MOSPD1: variants seen among roughly 807,000 people sequenced by gnomAD.
The protein encoded by MOSPD1 is motile sperm domain containing 1, also known as motile sperm domain-containing protein 1.
Under a neutral mutation model 16.7 loss-of-function variants are expected in MOSPD1, and 5 were observed. The ratio of observed to expected loss-of-function variants is 0.30; its 90% confidence interval spans 0.16 to 0.63. The LOEUF is 0.63. MOSPD1 is among the 30% of genes least tolerant of loss of function. The pLI, the probability that MOSPD1 is intolerant of heterozygous loss-of-function variation, is 0.82. For missense variants in MOSPD1, 104 were observed against 153.6 expected, an observed-to-expected ratio of 0.68 and a Z score of 1.71; for synonymous variants, 67 against 59.2, an observed-to-expected ratio of 1.13 and a Z score of -0.61.
chrX:134,895,004 C>T (rs2082878857), intron 4 of MOSPD1, among the ~76,000 whole-genome samples: 1 of 111,582 alleles, frequency 9.0e-6, no homozygotes, highest in Non-Finnish European at 1.9e-5. Context: ...CATCTGCCTA[C>T]TCCAATTTTA....
At chrX:134,903,272 A>T (rs1477326495) in intron 1 of MOSPD1, among the ~76,000 whole-genome samples, 7 of 112,043 alleles carry the variant, frequency 6.2e-5, no homozygotes, top group African/African-American at 2.3e-4. Context: ...TAAACAGATA[A>T]AAGTTTTTTT....
At chrX:134,905,348 G>A (rs928133101) in intron 1 of MOSPD1, among the ~76,000 whole-genome samples, 17 of 99,883 alleles carry the variant, frequency 1.7e-4, no homozygotes, top group African/African-American at 6.4e-4. Flanking sequence ...CAGCCTGGGC[G>A]AGAGAGACTC....
rs1423680768 is a variant in MOSPD1 at position 134,897,044 on chromosome X, G to A, written c.231-10C>T. 1.7e-6 allele frequency: 2 copies of A among 1,154,860 alleles called. No homozygotes were observed. Among genetic ancestry groups the A allele is most frequent in the South Asian group, 3.7e-5 (2 of 53,445 alleles). On this transcript the variant is annotated splice_polypyrimidine_tract_variant and intron_variant, in intron 3 of 5. Coordinates refer to ENST00000370783, the MANE Select transcript of MOSPD1 (RefSeq NM_019556.3). ...TCGATGACGAATCACACTGAAAACA[G>A]CAAAAATAACAAATGCTGTTTAGAT...
intron 4 of MOSPD1, among the ~76,000 whole-genome samples, chrX:134,894,115 CACA>C (rs2082875225): frequency 8.9e-6 from 1 of 111,903 alleles, no homozygotes; most frequent in Non-Finnish European, 1.9e-5. Flanking sequence ...AAAATATACT[CACA>C]AAATGTACTT....
chrX:134,910,391 C>T (rs994110487), intron 1 of MOSPD1, among the ~76,000 whole-genome samples: 34 of 108,840 alleles, frequency 3.1e-4, no homozygotes, highest in East Asian at 8.6e-4. Flanking sequence ...GGCAACAGAG[C>T]GAGACTCTGT....
chrX:134,890,863 T>C (rs2082859835), intron 5 of MOSPD1, among the ~76,000 whole-genome samples: 1 of 110,354 alleles, frequency 9.1e-6, no homozygotes, highest in South Asian at 3.9e-4. Flanking sequence ...CTGAAAAGAG[T>C]TGGCATCTAA....
At chrX:134,909,907 A>T (rs114526777) in intron 1 of MOSPD1, among the ~76,000 whole-genome samples, 22,176 of 82,242 alleles carry the variant, frequency 0.27, 1,779 homozygotes, top group African/African-American at 0.36. Context: ...AAGATTTTTA[A>T]AAAAAAGAAT....
chrX:134,906,785 G>C (rs183978106), intron 1 of MOSPD1, among the ~76,000 whole-genome samples: 3 of 111,952 alleles, frequency 2.7e-5, no homozygotes, highest in Non-Finnish European at 5.6e-5. Context: ...GTCAGAGTTA[G>C]TTGGTTCCCA....
Position 134,888,311 on chromosome X carries a change from C to T in MOSPD1, c.*850G>A, listed in dbSNP as rs1289595314. ...GTTTAAAGGTGAAAAATCATCTCCA[C>T]ATAAATCACCTGGTATCTGGTAATC... On this transcript the variant is annotated 3_prime_UTR_variant, in exon 6 of 6. Transcript: ENST00000370783. 2.7e-5 allele frequency: 3 copies of T among 112,198 alleles called. No homozygotes were observed. Among genetic ancestry groups the T allele is most frequent in the Non-Finnish European group, 1.9e-5 (1 of 53,161 alleles). The allele number at this position is 112,198 out of a possible 1,213,427, so 9.2% of individuals were successfully genotyped here. A position where few individuals can be genotyped will look rare whatever the true frequency, so the allele number is the denominator to read the frequency against.
At chrX:134,907,718 T>A (rs1394203264) in intron 1 of MOSPD1, among the ~76,000 whole-genome samples, 1 of 112,174 alleles carries the variant, frequency 8.9e-6, no homozygotes, top group Non-Finnish European at 1.9e-5. Context: ...CACAAAAAAA[T>A]TAGCTGGGCG....
intron 4 of MOSPD1, among the ~76,000 whole-genome samples, chrX:134,894,228 T>A (rs1752993792): frequency 8.9e-6 from 1 of 112,092 alleles, no homozygotes; most frequent in Non-Finnish European, 1.9e-5. Context: ...GTTATTGCTA[T>A]ATGTGTTTTA....
intron 1 of MOSPD1, among the ~76,000 whole-genome samples, chrX:134,905,032 G>A (rs1025301701): frequency 4.5e-5 from 5 of 110,771 alleles, no homozygotes; most frequent in African/African-American, 6.6e-5. Context: ...GCAAGGAGCG[G>A]TGCAGTGTGT....
chrX:134,903,448 A>G (rs992282311), intron 1 of MOSPD1, among the ~76,000 whole-genome samples: 1 of 110,322 alleles, frequency 9.1e-6, no homozygotes. Flanking sequence ...ACAGTGGCTC[A>G]CGCCTGTAAT....
chrX:134,901,054 A>G (rs917371202), intron 1 of MOSPD1, among the ~76,000 whole-genome samples: 1 of 111,946 alleles, frequency 8.9e-6, no homozygotes, highest in Admixed American at 9.5e-5. Flanking sequence ...TGAGGCTCGT[A>G]TGCTCTGATT....
At chrX:134,905,387 A>AG (rs202075828) in intron 1 of MOSPD1, among the ~76,000 whole-genome samples, 2 of 106,293 alleles carry the variant, frequency 1.9e-5, no homozygotes, top group Non-Finnish European at 3.9e-5. Context: ...AAAAAAAAAA[A>AG]GGGGAGATAA....
At chrX:134,913,661 A>G (rs1323452097) in intron 1 of MOSPD1, among the ~76,000 whole-genome samples, 1 of 112,047 alleles carries the variant, frequency 8.9e-6, no homozygotes, top group Non-Finnish European at 1.9e-5. Context: ...ATTTTTGCCT[A>G]TAAAGGAGTA....
intron 4 of MOSPD1, 113 bp from the exon 5 acceptor site, chrX:134,891,753 T>C (rs1235389467): frequency 4.1e-6 from 3 of 739,609 alleles, no homozygotes; most frequent in Non-Finnish European, 3.9e-6. Flanking sequence ...ACTTCTCCAA[T>C]TGTTTCCCCA....
chrX:134,912,414 G>T (rs2082976476), intron 1 of MOSPD1, among the ~76,000 whole-genome samples: 3 of 110,287 alleles, frequency 2.7e-5, no homozygotes, highest in Non-Finnish European at 5.7e-5. Context: ...AACTCCCTCA[G>T]GTGATCCACC....
chrX:134,905,347 C>T (rs1410969504), intron 1 of MOSPD1, among the ~76,000 whole-genome samples: 7 of 89,643 alleles, frequency 7.8e-5, no homozygotes, highest in Non-Finnish European at 1.3e-4. Flanking sequence ...CCAGCCTGGG[C>T]GAGAGAGACT....
Sources: gnomAD v4.1 joint callset for allele counts (sites outside exome capture counted in the v4.1 genomes callset) on GRCh38, gnomAD v4.1.1 for gene constraint, MANE v1.5 for transcripts, NCBI Gene and HGNC (gene_info 2026-07-23, HGNC 2026-07-21) for gene names.